FAM221A: variants seen among roughly 807,000 people sequenced by gnomAD.
FAM221A encodes protein FAM221A.
In FAM221A, 43 loss-of-function variants were observed where a neutral mutation model predicts 37.6. The observed-to-expected ratio is 1.15, with a 90% CI of 0.90 to 1.48. The LOEUF (loss-of-function observed/expected upper bound fraction) is 1.48. FAM221A is among the 40% of genes most tolerant of loss of function. The probability of loss-of-function intolerance (pLI) is 0.00; values close to 1 mark genes in which losing one functional copy is unlikely to be tolerated. For missense variants in FAM221A, 361 were observed against 361.5 expected (o/e 1.00, Z 0.01); for synonymous variants, 135 against 132.9 (o/e 1.02, Z -0.11).
At chr7:23,683,797 A>G (rs926752646) in intron 1 of FAM221A, among the ~76,000 whole-genome samples, 2 of 152,164 alleles carry the variant, frequency 1.3e-5, no homozygotes, top group Non-Finnish European at 2.9e-5. Flanking sequence ...GTGGCCCAGT[A>G]ATGTGATTCA....
intron 1 of FAM221A, 53 bp from the exon 2 acceptor site, chr7:23,684,446 C>T (rs1784246184): frequency 7.9e-7 from 1 of 1,270,404 alleles, no homozygotes; most frequent in Admixed American, 2.3e-5. Flanking sequence ...GGTCATAGCT[C>T]ACCCAGAAAA....
rs535901488 is a variant in FAM221A, at chr7:23,697,575, A to G, written c.638-617A>G. 3.3e-5 allele frequency among the ~76,000 whole-genome samples: 5 copies of G among 152,314 alleles called. No homozygotes were observed. In the South Asian group the frequency reaches 1.0e-3, roughly 32 times the overall value. On this transcript the variant is annotated intron_variant, in intron 4 of 6. Transcript: ENST00000344962. ...AAAATACACTTATTCTACCCTTTTCAGCCAGAGGTTCCTTATTGTGAATGT... is the reference window on the plus strand; with the variant it reads ...AAAATACACTTATTCTACCCTTTTCGGCCAGAGGTTCCTTATTGTGAATGT...
intron 1 of FAM221A, among the ~76,000 whole-genome samples, chr7:23,683,164 G>A (rs1191467632): frequency 6.6e-6 from 1 of 152,166 alleles, no homozygotes; most frequent in African/African-American, 2.4e-5. Context: ...TTTTCAAGGG[G>A]AGTATTTTCA....
chr7:23,682,445 T>A (rs1291397020), intron 1 of FAM221A, among the ~76,000 whole-genome samples: 3 of 142,260 alleles, frequency 2.1e-5, no homozygotes, highest in African/African-American at 7.9e-5. Context: ...TATTATTTTT[T>A]TTTTTAGATA....
At chr7:23,680,338 T>C (rs1409247589) in intron 1 of FAM221A, 55 bp downstream of exon 1, 2 of 1,436,094 alleles carry the variant, frequency 1.4e-6, no homozygotes, top group Admixed American at 2.4e-5. Context: ...CCAGGATCCC[T>C]GGGCTGGGGG....
intron 3 of FAM221A, 133 bp downstream of exon 3, chr7:23,689,592 C>T (rs370705342): frequency 1.8e-5 from 11 of 605,784 alleles, no homozygotes; most frequent in East Asian, 8.7e-5. Flanking sequence ...TCAGTTATGG[C>T]GTTAATATTA....
chr7:23,690,182 TA>T (rs1784636272), intron 3 of FAM221A, among the ~76,000 whole-genome samples: 4 of 52,644 alleles, frequency 7.6e-5, no homozygotes, highest in African/African-American at 1.2e-4. Context: ...TATATATATA[TA>T]TATATATATA....
At chr7:23,699,009 T>A (rs1320957982) in intron 5 of FAM221A, among the ~76,000 whole-genome samples, 1 of 152,144 alleles carries the variant, frequency 6.6e-6, no homozygotes, top group Non-Finnish European at 1.5e-5. Flanking sequence ...CTGAGTTTAG[T>A]GGCAGCCAAG....
At chr7:23,691,632 T>C (rs750239206) in intron 4 of FAM221A, 36 bp downstream of exon 4, 1 of 1,568,428 alleles carries the variant, frequency 6.4e-7, no homozygotes, top group Non-Finnish European at 8.8e-7. Flanking sequence ...GCCCATTGTA[T>C]TGTTTTTATG....
chr7:23,701,993 CTG>C (rs746400954), intron 6 of FAM221A, 101 bp from the exon 7 acceptor site: 4 of 611,776 alleles, frequency 6.5e-6, no homozygotes, highest in Non-Finnish European at 1.1e-5. Context: ...AGCTTAATAA[CTG>C]TGGAATGGCT....
At chr7:23,687,675 C>T (rs1352978336) in intron 2 of FAM221A, 2 of 140,408 alleles carry the variant, frequency 1.4e-5, no homozygotes, top group East Asian at 2.0e-4. Flanking sequence ...GACAGAGCCT[C>T]GCCTGTTGCC....
rs767608387 is a variant in FAM221A, at chr7:23,680,314, G to A, written c.65+31G>A. On this transcript the variant is annotated intron_variant, in intron 1 of 6. Transcript: ENST00000344962. The stretch of plus-strand genomic sequence containing the variant: ...GCTGTGGCTCCGGGCCTGCCCCCCC[G>A]CCGCTCCGAGGGGCCAGGATCCCTG... 15 of 1,504,852 alleles carry A rather than the reference G, an allele frequency of 1.0e-5. No individual in the cohort carries two copies. The East Asian group carries it at 3.6e-4, about 36-fold the overall frequency. The allele number at this position is 1,504,852 out of a possible 1,614,324, so 93.2% of individuals were successfully genotyped here.
intron 1 of FAM221A, among the ~76,000 whole-genome samples, chr7:23,683,069 C>G (rs979654455): frequency 6.6e-6 from 1 of 151,744 alleles, no homozygotes; most frequent in Non-Finnish European, 1.5e-5. Context: ...TATTTTCTAC[C>G]GCAGCTAAAG....
intron 1 of FAM221A, among the ~76,000 whole-genome samples, chr7:23,684,216 G>A (rs1436956967): frequency 6.6e-6 from 1 of 152,040 alleles, no homozygotes; most frequent in Non-Finnish European, 1.5e-5. Context: ...ATGTTGTCAT[G>A]CTTCGAGGCC....
At position 23,692,777 on chromosome 7, in the gene FAM221A, A is replaced by G. The variant is rs377098154; in HGVS notation, c.637+1181A>G. 2.0e-5 allele frequency: 19 copies of G among 963,018 alleles called. No homozygotes were observed. The East Asian group carries it at 6.9e-4, about 35-fold the overall frequency. 59.7% of individuals were successfully genotyped at this position (963,018 alleles called of 1,614,324 possible). On this transcript the variant is annotated intron_variant, in intron 4 of 6. Transcript: ENST00000344962. ...CCCCGAGGGTAATTTGCTATCATCA[A>G]TTAATTTTTCTCTTTAACATACAAT...
At chr7:23,693,524 A>G (rs933524684) in intron 4 of FAM221A, 1 of 149,464 alleles carries the variant, frequency 6.7e-6, no homozygotes, top group Non-Finnish European at 1.5e-5. Flanking sequence ...CTTTTTATAT[A>G]TTCTGTATAT....
chr7:23,691,672 G>A, intron 4 of FAM221A, 76 bp downstream of exon 4: 8 of 1,228,620 alleles, frequency 6.5e-6, no homozygotes, highest in Admixed American at 1.8e-5. Flanking sequence ...CCTTATATTT[G>A]TTAAGCAATT....
Position 23,689,363 on chromosome 7 carries a change from CT to C in FAM221A, c.337del (p.Tyr113MetfsTer4), listed in dbSNP as rs748912573. The C allele has an allele frequency of 1.2e-6, 2 of 1,609,196 alleles. No individual in the cohort carries two copies. The highest frequency in any genetic ancestry group is 4.5e-5 in the East Asian group (2 of 44,708). On this transcript the variant is annotated frameshift_variant, in exon 3 of 7. Coordinates refer to ENST00000344962, the MANE Select transcript of FAM221A (RefSeq NM_199136.5). LOFTEE classifies it high-confidence loss of function. ...GACTGGCTGCCAGTGCAGGGCTTACCTTTATGTCCCCTTGAATGGTAGCCAG... is the reference window on the plus strand; with the variant it reads ...GACTGGCTGCCAGTGCAGGGCTTACCTTATGTCCCCTTGAATGGTAGCCAG... ...QVTGCQCRAY[L>X]YVPLNGSQPI...
intron 1 of FAM221A, among the ~76,000 whole-genome samples, chr7:23,681,329 T>C (rs897884716): frequency 2.6e-5 from 4 of 152,194 alleles, no homozygotes; most frequent in African/African-American, 7.2e-5. Flanking sequence ...TATTTAGATA[T>C]GTGAATTGTG....
Sources: allele counts gnomAD v4.1 joint callset (sites outside exome capture counted in the v4.1 genomes callset), GRCh38; gene constraint gnomAD v4.1.1; transcripts MANE v1.5; gene names NCBI Gene and HGNC (gene_info 2026-07-23, HGNC 2026-07-21).